CNTN4: variants seen among roughly 807,000 people sequenced by gnomAD.
The protein encoded by CNTN4 is contactin 4, also known as contactin-4.
CNTN4 carries 77 observed loss-of-function variants against 122.5 expected under a neutral mutation model. The observed-to-expected ratio is 0.63, with a 90% CI of 0.52 to 0.76. The LOEUF (loss-of-function observed/expected upper bound fraction) is 0.76, where lower values mean the gene tolerates loss of function less well. Among genes scored for constraint, CNTN4 ranks in the 30% least tolerant of loss-of-function variants. The pLI, the probability that CNTN4 is intolerant of heterozygous loss-of-function variation, is 0.00. For missense variants in CNTN4, 1,256 were observed against 1,259.1 expected, an observed-to-expected ratio of 1.00 and a Z score of 0.04; for synonymous variants, 512 against 447.0, an observed-to-expected ratio of 1.15 and a Z score of -1.83.
chr3:2,948,003 A>C (rs1195941136), intron 13 of CNTN4, among the ~76,000 whole-genome samples: 4 of 151,778 alleles, frequency 2.6e-5, no homozygotes, highest in Admixed American at 6.6e-5. Flanking sequence ...GAAAAAAAAA[A>C]CTCATACGAG....
intron 13 of CNTN4, chr3:2,927,213 A>G (rs2094481168): frequency 2.4e-6 from 1 of 419,908 alleles, no homozygotes. Flanking sequence ...TAGGTCAATC[A>G]GGAGAAGCTA....
intron 4 of CNTN4, among the ~76,000 whole-genome samples, chr3:2,580,856 T>G (rs1038449790): frequency 6.6e-6 from 1 of 152,152 alleles, no homozygotes; most frequent in Non-Finnish European, 1.5e-5. Context: ...CCTAAGTTCA[T>G]AGATAAGGGG....
At chr3:2,423,966 C>A (rs11129138) in intron 3 of CNTN4, among the ~76,000 whole-genome samples, 96,882 of 96,884 alleles carry the variant, frequency 1, 48,440 homozygotes, top group Middle Eastern at 1. Flanking sequence ...TTTGATTAGG[C>A]AACATACCTA....
At chr3:2,372,370 G>C (rs932465038) in intron 3 of CNTN4, among the ~76,000 whole-genome samples, 2 of 152,148 alleles carry the variant, frequency 1.3e-5, no homozygotes, top group African/African-American at 4.8e-5. Context: ...AGAATCCAAA[G>C]GGCAATAAAA....
intron 9 of CNTN4, among the ~76,000 whole-genome samples, chr3:2,883,575 C>G (rs2093936885): frequency 6.6e-6 from 1 of 152,296 alleles, no homozygotes; most frequent in Non-Finnish European, 1.5e-5. Context: ...ATGGCCTCCA[C>G]TTGAGGTACA....
chr3:2,157,300 G>T (rs949256997), intron 2 of CNTN4, among the ~76,000 whole-genome samples: 1 of 152,118 alleles, frequency 6.6e-6, no homozygotes, highest in African/African-American at 2.4e-5. Context: ...AAAGATATGC[G>T]ATATGAAAGT....
chr3:2,885,955 G>C (rs1039224602), intron 9 of CNTN4, among the ~76,000 whole-genome samples: 1 of 152,088 alleles, frequency 6.6e-6, no homozygotes, highest in African/African-American at 2.4e-5. Context: ...CACTCTTCTC[G>C]TAGGACAGCT....
chr3:2,923,572 G>A (rs141134198), intron 12 of CNTN4, among the ~76,000 whole-genome samples: 51 of 152,254 alleles, frequency 3.3e-4, no homozygotes, highest in African/African-American at 1.2e-3. Context: ...CATTCTTCCT[G>A]TTGGTGCAGT....
At chr3:2,679,525 T>C (rs9826167) in intron 4 of CNTN4, among the ~76,000 whole-genome samples, 33,392 of 152,110 alleles carry the variant, frequency 0.22, 3,990 homozygotes, top group South Asian at 0.46. Context: ...CATTCGATCC[T>C]AAAAAGAATA....
chr3:2,553,026 G>A (rs1294327401), intron 3 of CNTN4, among the ~76,000 whole-genome samples: 1 of 152,184 alleles, frequency 6.6e-6, no homozygotes. Flanking sequence ...AAACGACGGT[G>A]TCTAGTTGGA....
At chr3:2,778,363 T>C (rs2091435122) in intron 6 of CNTN4, among the ~76,000 whole-genome samples, 1 of 41,834 alleles carries the variant, frequency 2.4e-5, no homozygotes, top group Non-Finnish European at 8.8e-5. Flanking sequence ...CAGAATAGTA[T>C]TCCTGTAGGC....
At chr3:2,158,768 A>G (rs1291326037) in intron 2 of CNTN4, among the ~76,000 whole-genome samples, 1 of 152,226 alleles carries the variant, frequency 6.6e-6, no homozygotes, top group East Asian at 1.9e-4. Flanking sequence ...TTTGGGAAAG[A>G]GAACCCATTG....
At chr3:2,340,671 C>A (rs1477562217) in intron 3 of CNTN4, among the ~76,000 whole-genome samples, 1 of 54,716 alleles carries the variant, frequency 1.8e-5, no homozygotes. Context: ...CAGAGCAAGA[C>A]CTTGTCATAA....
At chr3:2,737,571 A>G (rs895875297) in intron 5 of CNTN4, among the ~76,000 whole-genome samples, 3 of 152,248 alleles carry the variant, frequency 2.0e-5, no homozygotes, top group Admixed American at 6.5e-5. Context: ...ATTTTAAACT[A>G]TATCAGTAAA....
chr3:2,150,534 C>T (rs921954955), intron 2 of CNTN4, among the ~76,000 whole-genome samples: 6 of 152,172 alleles, frequency 3.9e-5, no homozygotes, highest in South Asian at 2.1e-4. Flanking sequence ...GGTTATTTGT[C>T]TACAGATCCT....
intron 7 of CNTN4, among the ~76,000 whole-genome samples, chr3:2,832,326 A>C (rs1215064092): frequency 6.6e-6 from 1 of 152,228 alleles, no homozygotes; most frequent in Non-Finnish European, 1.5e-5. Flanking sequence ...GGGCCAAAAC[A>C]AAATGTTTTC....
intron 13 of CNTN4, among the ~76,000 whole-genome samples, chr3:2,967,031 A>T (rs764674478): frequency 2.6e-5 from 4 of 152,180 alleles, no homozygotes; most frequent in Non-Finnish European, 4.4e-5. Flanking sequence ...AGTATAATTC[A>T]CTCAGAGCTG....
At chr3:2,209,944 C>T (rs2038534776) in intron 2 of CNTN4, among the ~76,000 whole-genome samples, 1 of 151,942 alleles carries the variant, frequency 6.6e-6, no homozygotes, top group African/African-American at 2.4e-5. Flanking sequence ...CCATAAGTCC[C>T]CGAGAGCTTT....
chr3:2,109,457 A>G (rs1031626227), intron 2 of CNTN4, among the ~76,000 whole-genome samples: 1 of 152,114 alleles, frequency 6.6e-6, no homozygotes, highest in Non-Finnish European at 1.5e-5. Flanking sequence ...TTTGGGCTGA[A>G]CTTTTGTATA....
Sources: gnomAD v4.1 joint callset for allele counts (sites outside exome capture counted in the v4.1 genomes callset) on GRCh38, gnomAD v4.1.1 for gene constraint, MANE v1.5 for transcripts, NCBI Gene and HGNC (gene_info 2026-07-23, HGNC 2026-07-21) for gene names.